Variants in RGS5 observed in about 807,000 individuals in gnomAD.
The protein encoded by RGS5 is regulator of G protein signaling 5.
A neutral mutation model predicts 18.9 loss-of-function variants in RGS5; 20 were observed. The observed-to-expected ratio is 1.06, with a 90% CI of 0.74 to 1.54. The LOEUF (loss-of-function observed/expected upper bound fraction) is 1.54, where lower values mean the gene tolerates loss of function less well. Among genes scored for constraint, RGS5 ranks in the 40% most tolerant of loss-of-function variants. The pLI is 0.00. For synonymous variants in RGS5, 57 were observed against 76.2 expected, an observed-to-expected ratio of 0.75 and a Z score of 1.31; for missense variants, 201 against 211.8, an observed-to-expected ratio of 0.95 and a Z score of 0.32.
chr1:163,194,591 A>G (rs866052990), intron 1 of RGS5, among the ~76,000 whole-genome samples: 1 of 152,228 alleles, frequency 6.6e-6, no homozygotes, highest in Middle Eastern at 3.4e-3. Context: ...TGTATTCCCT[A>G]TCTAGTACCT....
intron 1 of RGS5, among the ~76,000 whole-genome samples, chr1:163,169,727 C>T (rs565066763): frequency 3.3e-5 from 5 of 152,052 alleles, no homozygotes; most frequent in East Asian, 1.9e-4. Context: ...AAAATGATGA[C>T]GTTATCCATC....
At chr1:163,173,109 T>C (rs550769658) in intron 1 of RGS5, among the ~76,000 whole-genome samples, 1 of 152,342 alleles carries the variant, frequency 6.6e-6, no homozygotes, top group South Asian at 2.1e-4. Flanking sequence ...AATTTTCTAA[T>C]TTGTTTACAA....
chr1:163,186,347 G>A (rs1571260194), intron 1 of RGS5, among the ~76,000 whole-genome samples: 1 of 151,976 alleles, frequency 6.6e-6, no homozygotes, highest in African/African-American at 2.4e-5. Flanking sequence ...GGTATTACAG[G>A]CATGAGCCAC....
rs140180479 is a variant in RGS5 at position 163,165,003 on chromosome 1, G to T, written c.156-3027C>A. Reference sequence around the variant, plus strand: ...CCCTTCCTGCCCAACAGTACAGTCTGCTCATGACCAGGCTCAAGTTTATGA... The same window carrying T: ...CCCTTCCTGCCCAACAGTACAGTCTTCTCATGACCAGGCTCAAGTTTATGA... On this transcript the variant is annotated intron_variant, in intron 2 of 4. Transcript: ENST00000313961. 5.2e-3 allele frequency among the ~76,000 whole-genome samples: 798 copies of T among 152,300 alleles called. 7 individuals are homozygous for T. The highest frequency in any genetic ancestry group is 0.024 in the South Asian group (114 of 4,824).
intron 2 of RGS5, among the ~76,000 whole-genome samples, chr1:163,283,643 A>C (rs543155146): frequency 6.6e-6 from 1 of 152,256 alleles, no homozygotes; most frequent in South Asian, 2.1e-4. Flanking sequence ...TCTCATAATT[A>C]CATTATTTAA....
intron 1 of RGS5, among the ~76,000 whole-genome samples, chr1:163,209,142 C>G (rs1268116736): frequency 6.6e-6 from 1 of 152,124 alleles, no homozygotes; most frequent in East Asian, 1.9e-4. Context: ...CAAAAAGGCC[C>G]TTCCTCCTGG....
intron 2 of RGS5, among the ~76,000 whole-genome samples, chr1:163,223,361 C>G (rs1176851444): frequency 6.6e-6 from 1 of 152,172 alleles, no homozygotes; most frequent in African/African-American, 2.4e-5. Flanking sequence ...ACTGCAATCA[C>G]AGGATGATAG....
upstream of RGS5, among the ~76,000 whole-genome samples, chr1:163,218,281 C>T (rs1660261883): frequency 6.6e-6 from 1 of 151,960 alleles, no homozygotes; most frequent in African/African-American, 2.4e-5. Flanking sequence ...TTAGCATTTC[C>T]TATAATTATA....
intron 2 of RGS5, among the ~76,000 whole-genome samples, chr1:163,287,033 A>G (rs1279590460): frequency 6.6e-6 from 1 of 152,156 alleles, no homozygotes; most frequent in African/African-American, 2.4e-5. Context: ...TTTTCACAAG[A>G]TCTTCATTGT....
At chr1:163,182,249 T>C (rs541328007) in intron 1 of RGS5, among the ~76,000 whole-genome samples, 40 of 152,286 alleles carry the variant, frequency 2.6e-4, no homozygotes, top group Non-Finnish European at 3.8e-4. Flanking sequence ...CTCATAATAA[T>C]GCAACCAATT....
chr1:163,226,120 A>G (rs1048250024), intron 2 of RGS5, among the ~76,000 whole-genome samples: 7 of 150,616 alleles, frequency 4.6e-5, no homozygotes, highest in African/African-American at 1.7e-4. Flanking sequence ...GGGTTTCTCC[A>G]TGTTGGTCAG....
intron 1 of RGS5, among the ~76,000 whole-genome samples, chr1:163,317,686 T>C (rs1009823024): frequency 6.6e-6 from 1 of 152,198 alleles, no homozygotes; most frequent in African/African-American, 2.4e-5. Context: ...ATGTTCTTCA[T>C]GATCTGGTCC....
intron 2 of RGS5, among the ~76,000 whole-genome samples, chr1:163,236,155 A>C (rs544670516): frequency 6.6e-6 from 1 of 152,258 alleles, no homozygotes; most frequent in Non-Finnish European, 1.5e-5. Context: ...CTGAATAGCT[A>C]CTAATTTAAA....
At chr1:163,208,987 T>A (rs1456778746) in intron 1 of RGS5, among the ~76,000 whole-genome samples, 1 of 152,156 alleles carries the variant, frequency 6.6e-6, no homozygotes, top group Non-Finnish European at 1.5e-5. Flanking sequence ...AGAATCTAAC[T>A]TCTTCTCAAA....
chr1:163,251,667 A>T (rs976287), intron 2 of RGS5, among the ~76,000 whole-genome samples: 1 of 151,934 alleles, frequency 6.6e-6, no homozygotes, highest in South Asian at 2.1e-4. Flanking sequence ...CTACTCCTGT[A>T]GTTATACGGA....
exon 2 of RGS5, chr1:163,306,262 C>T (rs1649696619): frequency 6.6e-6 from 1 of 152,166 alleles, no homozygotes. Flanking sequence ...GAAGTGTCAC[C>T]AATTCAGTTA....
intron 2 of RGS5, chr1:163,260,553 T>A (rs1387274285): frequency 6.6e-6 from 1 of 151,932 alleles, no homozygotes; most frequent in Non-Finnish European, 1.5e-5. Flanking sequence ...ATATTAGGTA[T>A]AATGTACTCA....
rs532323119 is a variant in RGS5, at chr1:163,252,747, A to C, written c.-281+53486T>G. Among the ~76,000 whole-genome samples the C allele has an allele frequency of 9.8e-5, 15 of 152,286 alleles. No homozygotes were observed. The South Asian group carries it at 3.1e-3, about 32-fold the overall frequency. On this transcript the variant is annotated intron_variant, in intron 2 of 5. Transcript: ENST00000618415. Reference sequence around the variant, plus strand: ...GGGGACAAATGTAAAACAAATAAGAAGTGATTTTAAGGGTGGGAATTTTCG... The same window carrying C: ...GGGGACAAATGTAAAACAAATAAGACGTGATTTTAAGGGTGGGAATTTTCG...
Position 163,143,592 on chromosome 1 carries a change from A to G in RGS5, c.*3750T>C, listed in dbSNP as rs1273297611. On this transcript the variant is annotated 3_prime_UTR_variant, in exon 5 of 5. Coordinates refer to ENST00000313961, the MANE Select transcript of RGS5 (RefSeq NM_003617.4). ...AGCTGCTCTTAAATATTTGTAGCAA[A>G]GGGATTACGTTCATAGGTCTGAGCA... is the stretch of plus-strand genomic sequence containing the variant. The G allele has an allele frequency of 6.6e-6, 1 of 152,168 alleles. No individual in the cohort carries two copies. The highest frequency in any genetic ancestry group is 2.4e-5 in the African/African-American group (1 of 41,446). 9.4% of individuals were successfully genotyped at this position (152,168 alleles called of 1,614,324 possible).
Sources: gnomAD v4.1 joint callset for allele counts (sites outside exome capture counted in the v4.1 genomes callset) on GRCh38, gnomAD v4.1.1 for gene constraint, MANE v1.5 for transcripts, NCBI Gene and HGNC (gene_info 2026-07-23, HGNC 2026-07-21) for gene names.